Variants in GCSAML observed in about 807,000 individuals in gnomAD.
GCSAML encodes germinal center-associated signaling and motility-like protein.
In GCSAML, 9 loss-of-function variants were observed where a neutral mutation model predicts 13.0. That is an observed-to-expected ratio of 0.69 (90% CI 0.42 to 1.21). The LOEUF (loss-of-function observed/expected upper bound fraction) is 1.21, where lower values mean the gene tolerates loss of function less well. Ranked by LOEUF, GCSAML falls within the 50% of genes most tolerant of loss-of-function variation. GCSAML has a pLI of 0.00. For missense variants in GCSAML, 143 were observed against 153.4 expected (o/e 0.93, Z 0.36); for synonymous variants, 37 against 52.9 (o/e 0.70, Z 1.31).
chr1:247,530,257 A>G (rs1666865398), intron 2 of GCSAML: 1 of 152,178 alleles, frequency 6.6e-6, no homozygotes, highest in Admixed American at 6.5e-5. Context: ...GCAGAGAATG[A>G]GGTTACTCTA....
chr1:247,519,670 A>G (rs1466486869), intron 1 of GCSAML, among the ~76,000 whole-genome samples: 3 of 152,256 alleles, frequency 2.0e-5, no homozygotes, highest in Non-Finnish European at 4.4e-5. Context: ...AGGACTATGC[A>G]TGGTAGTGAG....
Position 247,574,574 on chromosome 1 carries a change from T to C in GCSAML, c.*192T>C, listed in dbSNP as rs1312612715. 1 of 603,532 alleles carries C rather than the reference T, an allele frequency of 1.7e-6. No individual in the cohort carries two copies. The highest frequency in any genetic ancestry group is 2.8e-6 in the Non-Finnish European group (1 of 355,360). The allele number at this position is 603,532 out of a possible 1,614,324, so 37.4% of individuals were successfully genotyped here. ...TGTGGCTTAGGTGAAATCATAGAAA[T>C]TGACACAATGACCTAAAATATTCTA... On this transcript the variant is annotated 3_prime_UTR_variant, in exon 5 of 5. Coordinates refer to ENST00000366488, the MANE Select transcript of GCSAML (RefSeq NM_145278.5).
At chr1:247,518,389 C>CG (rs1397841417) in intron 1 of GCSAML, 1 of 152,394 alleles carries the variant, frequency 6.6e-6, no homozygotes, top group East Asian at 1.9e-4. Context: ...CTCGGCCCCT[C>CG]GGGGGCAGTG....
At chr1:247,555,552 G>A (rs557003438) in intron 1 of GCSAML, among the ~76,000 whole-genome samples, 1 of 152,282 alleles carries the variant, frequency 6.6e-6, no homozygotes, top group East Asian at 1.9e-4. Context: ...ATATACATAT[G>A]ACCTCTATTC....
chr1:247,515,312 T>C (rs1295709555), intron 1 of GCSAML, among the ~76,000 whole-genome samples: 1 of 152,218 alleles, frequency 6.6e-6, no homozygotes, highest in Admixed American at 6.5e-5. Flanking sequence ...ACTTTTCCCC[T>C]GTGTGAAGTT....
chr1:247,568,044 G>A (rs1558261053), intron 4 of GCSAML, among the ~76,000 whole-genome samples: 2 of 151,866 alleles, frequency 1.3e-5, no homozygotes, highest in Non-Finnish European at 2.9e-5. Context: ...TTGTAAATTT[G>A]TTTAAGTTCT....
intron 1 of GCSAML, among the ~76,000 whole-genome samples, chr1:247,522,825 T>C (rs1666502499): frequency 6.6e-6 from 1 of 151,904 alleles, no homozygotes; most frequent in Admixed American, 6.5e-5. Flanking sequence ...CCTTGTTCAC[T>C]TGTTTATCTG....
At chr1:247,512,513 A>C (rs374948307) in intron 1 of GCSAML, among the ~76,000 whole-genome samples, 5 of 151,936 alleles carry the variant, frequency 3.3e-5, no homozygotes, top group African/African-American at 1.2e-4. Flanking sequence ...ACTTCTGTCA[A>C]TTTGTCAAAC....
At chr1:247,523,699 A>AG (rs1317635744) in intron 1 of GCSAML, among the ~76,000 whole-genome samples, 2 of 152,266 alleles carry the variant, frequency 1.3e-5, no homozygotes, top group African/African-American at 4.8e-5. Context: ...TTGGTAGAGC[A>AG]GAACATAGTG....
upstream of GCSAML, among the ~76,000 whole-genome samples, chr1:247,546,636 C>T (rs558081715): frequency 1.7e-3 from 264 of 151,968 alleles, no homozygotes; most frequent in Admixed American, 3.3e-3. Flanking sequence ...GCTGGGATGA[C>T]AGGTGTGAGC....
rs529224000 is a variant in GCSAML at position 247,563,138 on chromosome 1, C to A, written c.90-452C>A. On this transcript the variant is annotated intron_variant, in intron 2 of 4. Transcript: ENST00000366488. ...GCTGGGATCACAGGCATAAGCCATC[C>A]CACCCGGCCACCACACTTATTAATG... Among the ~76,000 whole-genome samples the A allele has an allele frequency of 1.2e-4, 18 of 152,018 alleles. No homozygotes were observed. The East Asian group carries it at 2.5e-3, about 21-fold the overall frequency.
intron 1 of GCSAML, among the ~76,000 whole-genome samples, chr1:247,517,319 G>A (rs538498411): frequency 6.6e-6 from 1 of 152,164 alleles, no homozygotes; most frequent in South Asian, 2.1e-4. Context: ...TAGGTGTCTT[G>A]TCTCTTTCCT....
chr1:247,510,597 G>A (rs1666001161), intron 1 of GCSAML, among the ~76,000 whole-genome samples: 1 of 152,158 alleles, frequency 6.6e-6, no homozygotes, highest in South Asian at 2.1e-4. Flanking sequence ...ATGTTAGAGT[G>A]TCGATTTTAG....
At chr1:247,548,250 G>T (rs1168035527), upstream of GCSAML, among the ~76,000 whole-genome samples, 4 of 152,222 alleles carry the variant, frequency 2.6e-5, no homozygotes, top group African/African-American at 9.6e-5. The surrounding 1 kb of genome is among the most constrained non-coding windows in gnomAD (Gnocchi z 5.3). Context: ...CCACGGCTCA[G>T]AGTCAGCTGT....
rs1161420697 is a variant in GCSAML at position 247,575,060 on chromosome 1, A to G, written c.*678A>G. 2 of 152,420 alleles carry G rather than the reference A, an allele frequency of 1.3e-5. No individual in the cohort carries two copies. Among genetic ancestry groups the G allele is most frequent in the Non-Finnish European group, 2.9e-5 (2 of 68,206 alleles). 9.4% of individuals were successfully genotyped at this position (152,420 alleles called of 1,614,324 possible). A position where few individuals can be genotyped will look rare whatever the true frequency, so the allele number is the denominator to read the frequency against. On this transcript the variant is annotated 3_prime_UTR_variant, in exon 5 of 5. Coordinates refer to ENST00000366488, the MANE Select transcript of GCSAML (RefSeq NM_145278.5). ...GCTTAACTCTTTCAACCAATTGCCAATCAGACAAACTTTGAATCTACCTAT... is the reference window on the plus strand; with the variant it reads ...GCTTAACTCTTTCAACCAATTGCCAGTCAGACAAACTTTGAATCTACCTAT...
intron 2 of GCSAML, among the ~76,000 whole-genome samples, chr1:247,538,496 A>G (rs1047977756): frequency 2.6e-5 from 4 of 152,224 alleles, no homozygotes; most frequent in Admixed American, 6.5e-5. Flanking sequence ...TGTTGAAACC[A>G]TAACCCACAA....
intron 2 of GCSAML, among the ~76,000 whole-genome samples, chr1:247,562,600 A>T (rs1668171977): frequency 6.6e-6 from 1 of 152,156 alleles, no homozygotes; most frequent in Admixed American, 6.5e-5. Context: ...CAGCCCAGGC[A>T]CATCTCTCTA....
chr1:247,540,729 G>A (rs1022741580), intron 2 of GCSAML, among the ~76,000 whole-genome samples: 1 of 152,180 alleles, frequency 6.6e-6, no homozygotes, highest in Non-Finnish European at 1.5e-5. Flanking sequence ...TATTGCAAAC[G>A]AGCAAGCTTT....
intron 2 of GCSAML, among the ~76,000 whole-genome samples, chr1:247,556,807 A>G (rs1667969483): frequency 6.6e-6 from 1 of 152,172 alleles, no homozygotes; most frequent in Admixed American, 6.5e-5. Context: ...TTTGGAAAAC[A>G]TGTCTCATTA....
Sources: allele counts gnomAD v4.1 joint callset (sites outside exome capture counted in the v4.1 genomes callset), GRCh38; gene constraint gnomAD v4.1.1; non-coding constraint Gnocchi (gnomAD v3.1); transcripts MANE v1.5; gene names NCBI Gene and HGNC (gene_info 2026-07-23, HGNC 2026-07-21).